SPAG16: variants seen among roughly 807,000 people sequenced by gnomAD.
SPAG16 encodes the protein sperm associated antigen 16.
In SPAG16, 86 loss-of-function variants were observed where a neutral mutation model predicts 80.4. The observed-to-expected ratio is 1.07, with a 90% CI of 0.90 to 1.28. The LOEUF (loss-of-function observed/expected upper bound fraction) is 1.28. Ranked by LOEUF, SPAG16 falls within the 50% of genes most tolerant of loss-of-function variation. The probability of loss-of-function intolerance (pLI) is 0.00; values close to 1 mark genes in which losing one functional copy is unlikely to be tolerated. For synonymous variants in SPAG16, 294 were observed against 265.9 expected, an observed-to-expected ratio of 1.11 and a Z score of -1.03; for missense variants, 870 against 765.3, an observed-to-expected ratio of 1.14 and a Z score of -1.61.
chr2:213,691,967 T>C (rs1002103578), intron 10 of SPAG16, among the ~76,000 whole-genome samples: 4 of 152,212 alleles, frequency 2.6e-5, no homozygotes, highest in Non-Finnish European at 5.9e-5. Context: ...ATCACAAATT[T>C]ACTCAAATGT....
chr2:213,620,293 T>G (rs961122320), intron 10 of SPAG16, among the ~76,000 whole-genome samples: 117 of 128,312 alleles, frequency 9.1e-4, no homozygotes, highest in Non-Finnish European at 1.3e-3. Context: ...TTTTTTTTTT[T>G]TTTTTTTTTT....
intron 10 of SPAG16, among the ~76,000 whole-genome samples, chr2:213,517,975 A>G (rs1305802446): frequency 2.0e-5 from 3 of 152,224 alleles, no homozygotes; most frequent in African/African-American, 7.2e-5. Context: ...TAAATAGAAG[A>G]GTTTCTGTAC....
intron 10 of SPAG16, among the ~76,000 whole-genome samples, chr2:213,687,564 G>C (rs948101232): frequency 5.3e-5 from 8 of 151,978 alleles, no homozygotes; most frequent in African/African-American, 1.9e-4. Flanking sequence ...ATTTCTTTTA[G>C]TATTTAAAAA....
At chr2:213,412,635 T>G (rs1016859990) in intron 9 of SPAG16, among the ~76,000 whole-genome samples, 2 of 133,290 alleles carry the variant, frequency 1.5e-5, no homozygotes, top group Non-Finnish European at 3.0e-5. Flanking sequence ...TTTTTTTTTG[T>G]TTGTTTGGCT....
chr2:213,922,439 G>A (rs1358134785), intron 11 of SPAG16, among the ~76,000 whole-genome samples: 1 of 152,102 alleles, frequency 6.6e-6, no homozygotes, highest in Non-Finnish European at 1.5e-5. Flanking sequence ...ATTTTACTGT[G>A]ATTCTTAGCT....
chr2:214,382,946 C>T (rs1263055333), intron 15 of SPAG16, among the ~76,000 whole-genome samples: 1 of 152,050 alleles, frequency 6.6e-6, no homozygotes. Flanking sequence ...CATGCCTATC[C>T]CCATGCCTGT....
chr2:213,785,663 T>C (rs1469898636), intron 10 of SPAG16, among the ~76,000 whole-genome samples: 1 of 152,312 alleles, frequency 6.6e-6, no homozygotes, highest in East Asian at 1.9e-4. Context: ...GAGTTAACAT[T>C]TGAAAGTACA....
At chr2:213,461,525 AC>A (rs1262936097) in intron 9 of SPAG16, among the ~76,000 whole-genome samples, 1 of 152,212 alleles carries the variant, frequency 6.6e-6, no homozygotes. Context: ...GGCTGCAGCA[AC>A]ATCTTGTGAA....
intron 10 of SPAG16, among the ~76,000 whole-genome samples, chr2:213,784,632 A>T (rs2070218463): frequency 6.8e-6 from 1 of 147,160 alleles, no homozygotes; most frequent in African/African-American, 2.5e-5. Flanking sequence ...TTTCTAAAAA[A>T]AAAAAAAAAA....
intron 4 of SPAG16, among the ~76,000 whole-genome samples, chr2:213,313,775 A>AT (rs1015014693): frequency 5.9e-4 from 90 of 151,790 alleles, no homozygotes; most frequent in Non-Finnish European, 8.4e-4. Flanking sequence ...GCCATGCTAT[A>AT]TTTTTCCTGA....
intron 4 of SPAG16, among the ~76,000 whole-genome samples, chr2:213,315,412 AG>A (rs2063358568): frequency 6.6e-6 from 1 of 151,896 alleles, no homozygotes; most frequent in Non-Finnish European, 1.5e-5. Context: ...CACAGACTTA[AG>A]GATACTGCTT....
At chr2:213,830,321 C>T (rs1216370722) in intron 10 of SPAG16, among the ~76,000 whole-genome samples, 1 of 152,170 alleles carries the variant, frequency 6.6e-6, no homozygotes, top group African/African-American at 2.4e-5. Flanking sequence ...CCCTAAAGCA[C>T]ACAGATTCTC....
At chr2:213,889,351 G>T (rs948372934) in intron 11 of SPAG16, among the ~76,000 whole-genome samples, 2 of 151,534 alleles carry the variant, frequency 1.3e-5, no homozygotes, top group Non-Finnish European at 2.9e-5. Flanking sequence ...AATCTTACAA[G>T]AATTATCTAG....
chr2:213,337,602 C>A (rs973285993), intron 5 of SPAG16, among the ~76,000 whole-genome samples: 1 of 151,592 alleles, frequency 6.6e-6, no homozygotes, highest in Non-Finnish European at 1.5e-5. Context: ...GCCAAAGAGA[C>A]GAAGCAGAAG....
intron 13 of SPAG16, among the ~76,000 whole-genome samples, chr2:214,100,025 G>A (rs552665300): frequency 3.3e-5 from 5 of 152,028 alleles, no homozygotes; most frequent in East Asian, 3.9e-4. Flanking sequence ...CCCATGTGTC[G>A]AGGGGAGACC....
rs189773442 is a variant in SPAG16, at chr2:214,253,959, T to C, written c.1720+104693T>C. On this transcript the variant is annotated intron_variant, in intron 15 of 15. Coordinates refer to ENST00000331683, the MANE Select transcript of SPAG16 (RefSeq NM_024532.5). ...AGCATGGAATATTTTTCCATTTGTT[T>C]GTATCCTCTTTTATTTCTTTGAGCA... is the stretch of plus-strand genomic sequence containing the variant. Among the ~76,000 whole-genome samples the C allele has an allele frequency of 2.4e-3, 361 of 152,318 alleles. 2 individuals carry two copies. The highest frequency in any genetic ancestry group is 4.1e-3 in the Non-Finnish European group (281 of 68,026).
chr2:213,943,315 T>C (rs1464006500), intron 12 of SPAG16, among the ~76,000 whole-genome samples: 1 of 152,124 alleles, frequency 6.6e-6, no homozygotes, highest in Non-Finnish European at 1.5e-5. Context: ...AATATAATAC[T>C]GCTATGAGGG....
At chr2:214,083,043 T>C (rs6744046) in intron 13 of SPAG16, among the ~76,000 whole-genome samples, 2,852 of 152,300 alleles carry the variant, frequency 0.019, 93 homozygotes, top group African/African-American at 0.065. Context: ...TTTTGTTCTT[T>C]GACTTTTAAA....
At chr2:213,622,575 C>G (rs1023329147) in intron 10 of SPAG16, among the ~76,000 whole-genome samples, 2 of 152,124 alleles carry the variant, frequency 1.3e-5, no homozygotes, top group Non-Finnish European at 2.9e-5. Context: ...AGCAGCAGGA[C>G]CTAGACCAAA....
Sources: gnomAD v4.1 joint callset for allele counts (sites outside exome capture counted in the v4.1 genomes callset) on GRCh38, gnomAD v4.1.1 for gene constraint, MANE v1.5 for transcripts, NCBI Gene and HGNC (gene_info 2026-07-23, HGNC 2026-07-21) for gene names.